The following THSD7B variants were observed in gnomAD, a reference collection of about 807,000 sequenced individuals.
THSD7B encodes the protein thrombospondin type 1 domain containing 7B.
In THSD7B, 138 loss-of-function variants were observed where a neutral mutation model predicts 213.6. The observed-to-expected ratio is 0.65, with a 90% CI of 0.56 to 0.74. The LOEUF (loss-of-function observed/expected upper bound fraction) is 0.74. THSD7B is among the 30% of genes least tolerant of loss of function. The probability of loss-of-function intolerance (pLI) is 0.00; values close to 1 mark genes in which losing one functional copy is unlikely to be tolerated. For synonymous variants in THSD7B, 742 were observed against 687.0 expected, an observed-to-expected ratio of 1.08 and a Z score of -1.25; for missense variants, 1,931 against 1,991.5, an observed-to-expected ratio of 0.97 and a Z score of 0.58.
intron 12 of THSD7B, among the ~76,000 whole-genome samples, chr2:137,357,964 G>A (rs1191641084): frequency 2.0e-5 from 3 of 152,112 alleles, no homozygotes; most frequent in South Asian, 4.1e-4. Flanking sequence ...ATTACCACTT[G>A]TTCACATTTC....
chr2:137,571,351 G>A (rs1681352037), intron 16 of THSD7B, among the ~76,000 whole-genome samples: 1 of 152,098 alleles, frequency 6.6e-6, no homozygotes, highest in African/African-American at 2.4e-5. Context: ...CATTTGGACT[G>A]TTTCTAGGTT....
intron 15 of THSD7B, among the ~76,000 whole-genome samples, chr2:137,551,676 AT>A (rs1680851022): frequency 6.6e-6 from 1 of 152,156 alleles, no homozygotes; most frequent in Non-Finnish European, 1.5e-5. Context: ...TATTAGTTTC[AT>A]TTTTTGGTTC....
At chr2:136,961,725 C>T (rs574881786) in intron 2 of THSD7B, among the ~76,000 whole-genome samples, 2 of 152,238 alleles carry the variant, frequency 1.3e-5, no homozygotes, top group East Asian at 3.9e-4. Flanking sequence ...GTCATGTGGC[C>T]TTCGCATGAA....
At chr2:137,033,381 C>A (rs1406787487) in intron 2 of THSD7B, among the ~76,000 whole-genome samples, 1 of 152,188 alleles carries the variant, frequency 6.6e-6, no homozygotes, top group African/African-American at 2.4e-5. Flanking sequence ...GGTTCTAACA[C>A]AGTGAGCAGA....
At chr2:137,532,365 G>GA (rs1383116768) in intron 15 of THSD7B, among the ~76,000 whole-genome samples, 6 of 151,220 alleles carry the variant, frequency 4.0e-5, no homozygotes, top group Admixed American at 2.0e-4. Flanking sequence ...GAAGAAACTG[G>GA]AAAAAAATCT....
intron 10 of THSD7B, among the ~76,000 whole-genome samples, chr2:137,247,336 G>T (rs1682062396): frequency 6.6e-6 from 1 of 152,098 alleles, no homozygotes; most frequent in Non-Finnish European, 1.5e-5. Flanking sequence ...ATGTCATGAT[G>T]GCTGCACAAA....
chr2:137,676,500 T>C, intron 27 of THSD7B, 24 bp from the exon 28 acceptor site: 1 of 1,568,298 alleles, frequency 6.4e-7, no homozygotes, highest in South Asian at 1.2e-5. Context: ...TTACTTGATC[T>C]GAGGAATTTT....
intron 14 of THSD7B, among the ~76,000 whole-genome samples, chr2:137,420,518 C>A (rs1174725671): frequency 6.6e-6 from 1 of 152,132 alleles, no homozygotes; most frequent in African/African-American, 2.4e-5. Flanking sequence ...GATATACATT[C>A]TCGGTCCTAT....
At chr2:136,874,410 AGACAATAGCCCCGTTG>A (rs1369810064) in intron 1 of THSD7B, among the ~76,000 whole-genome samples, 2 of 152,220 alleles carry the variant, frequency 1.3e-5, no homozygotes, top group African/African-American at 4.8e-5. Context: ...TATTGCAGTC[AGACAATAGCCCCGTTG>A]ATCGGCCATC....
At chr2:137,463,010 A>C (rs1687916446) in intron 15 of THSD7B, among the ~76,000 whole-genome samples, 1 of 152,160 alleles carries the variant, frequency 6.6e-6, no homozygotes, top group Non-Finnish European at 1.5e-5. Context: ...GGCACTATTC[A>C]CAGTTTCAGG....
chr2:137,267,697 TAAG>T (rs1358586456), intron 10 of THSD7B, among the ~76,000 whole-genome samples: 1 of 152,130 alleles, frequency 6.6e-6, no homozygotes, highest in African/African-American at 2.4e-5. Flanking sequence ...ATGAATCTGA[TAAG>T]AAGTTATAAT....
intron 15 of THSD7B, among the ~76,000 whole-genome samples, chr2:137,496,194 C>T (rs1679560999): frequency 6.6e-6 from 1 of 152,090 alleles, no homozygotes; most frequent in Non-Finnish European, 1.5e-5. Flanking sequence ...GACTTACAAG[C>T]TCAGTTAATG....
At chr2:137,093,883 G>A (rs1199075819) in intron 3 of THSD7B, among the ~76,000 whole-genome samples, 1 of 152,016 alleles carries the variant, frequency 6.6e-6, no homozygotes, top group Non-Finnish European at 1.5e-5. Context: ...TTAGCATTAG[G>A]TATATCTCCT....
chr2:137,169,715 C>A (rs1042955387), intron 6 of THSD7B, among the ~76,000 whole-genome samples: 1 of 152,090 alleles, frequency 6.6e-6, no homozygotes, highest in Non-Finnish European at 1.5e-5. Context: ...GGTATGAGAT[C>A]CACAAAAGGT....
chr2:137,521,399 T>TAG (rs1433270571), intron 15 of THSD7B, among the ~76,000 whole-genome samples: 1 of 152,068 alleles, frequency 6.6e-6, no homozygotes, highest in Non-Finnish European at 1.5e-5. Context: ...CACTCATGGG[T>TAG]AGAGAGATCT....
At chr2:137,185,993 T>C (rs558956929) in intron 7 of THSD7B, among the ~76,000 whole-genome samples, 4 of 152,338 alleles carry the variant, frequency 2.6e-5, no homozygotes, top group African/African-American at 9.6e-5. Flanking sequence ...TTAGTGATGT[T>C]GAGCATTTTT....
chr2:136,783,905 G>A (rs147568404), intron 1 of THSD7B, among the ~76,000 whole-genome samples: 111 of 152,314 alleles, frequency 7.3e-4, no homozygotes, highest in African/African-American at 2.6e-3. Context: ...CATCAATTTC[G>A]TAAGAGAAAT....
At chr2:136,994,714 G>A (rs967322075) in intron 2 of THSD7B, among the ~76,000 whole-genome samples, 9 of 152,088 alleles carry the variant, frequency 5.9e-5, no homozygotes, top group Admixed American at 3.3e-4. Flanking sequence ...TCCTTTACAC[G>A]TATATGTACA....
intron 14 of THSD7B, among the ~76,000 whole-genome samples, chr2:137,417,433 A>G (rs1453296): frequency 0.57 from 87,185 of 151,708 alleles, 27,789 homozygotes; most frequent in East Asian, 0.77. Context: ...TAACCATTTT[A>G]TTTTATTTTA....
Sources: gnomAD v4.1 joint callset for allele counts (sites outside exome capture counted in the v4.1 genomes callset) on GRCh38, gnomAD v4.1.1 for gene constraint, MANE v1.5 for transcripts, NCBI Gene and HGNC (gene_info 2026-07-23, HGNC 2026-07-21) for gene names.